The following DPP10 variants were observed in gnomAD, a reference collection of about 807,000 sequenced individuals.
The protein encoded by DPP10 is dipeptidyl peptidase like 10, also known as inactive dipeptidyl peptidase 10.
In DPP10, 33 loss-of-function variants were observed where a neutral mutation model predicts 120.9. The ratio of observed to expected loss-of-function variants is 0.27; its 90% confidence interval spans 0.21 to 0.37. The LOEUF is 0.37. DPP10 is among the 10% of genes least tolerant of loss of function. The pLI, the probability that DPP10 is intolerant of heterozygous loss-of-function variation, is 1.00. For missense variants in DPP10, 816 were observed against 942.8 expected (o/e 0.87, Z 1.76); for synonymous variants, 337 against 326.1 (o/e 1.03, Z -0.36).
At chr2:114,883,174 A>G (rs1003220458) in intron 1 of DPP10, among the ~76,000 whole-genome samples, 3 of 152,208 alleles carry the variant, frequency 2.0e-5, no homozygotes, top group Non-Finnish European at 4.4e-5. Flanking sequence ...CAGGTTAGCT[A>G]GGCCAGTAGC....
chr2:115,710,640 C>A (rs759727492), intron 7 of DPP10, among the ~76,000 whole-genome samples: 5 of 151,988 alleles, frequency 3.3e-5, no homozygotes, highest in Non-Finnish European at 7.4e-5. Flanking sequence ...AAAGTTGAAA[C>A]AAGTCACTAT....
chr2:115,480,707 A>G (rs2075375997), intron 3 of DPP10, among the ~76,000 whole-genome samples: 1 of 152,148 alleles, frequency 6.6e-6, no homozygotes, highest in Non-Finnish European at 1.5e-5. Context: ...TAAGTGTCAT[A>G]TTAGGAAGAA....
chr2:115,356,354 C>G (rs1166570077), intron 3 of DPP10, among the ~76,000 whole-genome samples: 1 of 151,868 alleles, frequency 6.6e-6, no homozygotes, highest in African/African-American at 2.4e-5. Context: ...TTGCCCTCTG[C>G]TTGTCTATTG....
chr2:115,212,601 A>G (rs2056587533), intron 1 of DPP10, among the ~76,000 whole-genome samples: 1 of 151,520 alleles, frequency 6.6e-6, no homozygotes, highest in Non-Finnish European at 1.5e-5. Flanking sequence ...GAGATTACAG[A>G]ACCAATTTTC....
intron 4 of DPP10, among the ~76,000 whole-genome samples, chr2:115,503,128 C>G (rs760562038): frequency 3.9e-5 from 6 of 152,032 alleles, no homozygotes; most frequent in Admixed American, 1.3e-4. Context: ...AGCCATAACA[C>G]AGGAAGGAAA....
chr2:114,576,873 G>GTTT (rs34544318), intron 1 of DPP10, among the ~76,000 whole-genome samples: 1 of 148,808 alleles, frequency 6.7e-6, no homozygotes, highest in Non-Finnish European at 1.5e-5. Flanking sequence ...TGGGAAGAGT[G>GTTT]TTTTTTTTTT....
At chr2:114,667,915 T>C (rs907082695) in intron 1 of DPP10, among the ~76,000 whole-genome samples, 11 of 152,190 alleles carry the variant, frequency 7.2e-5, no homozygotes, top group African/African-American at 2.7e-4. Flanking sequence ...AAATGAAGTT[T>C]TGAGTTTTAC....
At chr2:115,222,097 G>C (rs1179303870) in intron 1 of DPP10, among the ~76,000 whole-genome samples, 1 of 152,088 alleles carries the variant, frequency 6.6e-6, no homozygotes, top group East Asian at 1.9e-4. Flanking sequence ...AGCAGGTTTA[G>C]CAACACAGGC....
intron 1 of DPP10, among the ~76,000 whole-genome samples, chr2:114,955,694 C>A (rs1698147321): frequency 6.6e-6 from 1 of 152,134 alleles, no homozygotes; most frequent in South Asian, 2.1e-4. Flanking sequence ...CAAACGTCCT[C>A]AGCAAAATAT....
At chr2:115,268,347 A>C (rs2059547376) in intron 1 of DPP10, among the ~76,000 whole-genome samples, 1 of 152,220 alleles carries the variant, frequency 6.6e-6, no homozygotes. Flanking sequence ...GACAAAACCA[A>C]GATAAAAACT....
chr2:115,800,402 A>G (rs1198720239), intron 19 of DPP10, among the ~76,000 whole-genome samples: 4 of 152,166 alleles, frequency 2.6e-5, no homozygotes, highest in African/African-American at 4.8e-5. Context: ...TCACTCTGAC[A>G]GTAGTTTCTT....
At chr2:115,334,583 A>G (rs996752745) in intron 2 of DPP10, among the ~76,000 whole-genome samples, 4 of 151,948 alleles carry the variant, frequency 2.6e-5, no homozygotes, top group African/African-American at 7.2e-5. Context: ...ACATTTTACT[A>G]TATTTTTCCA....
chr2:114,891,099 A>T lies in DPP10; in HGVS notation c.61-418140A>T, dbSNP rs150468589. On this transcript the variant is annotated intron_variant, in intron 1 of 25. Transcript: ENST00000410059. ...TTTTTTTGGTAAAAGAGACTGAGAG[A>T]AAAACAAGTTTTAGACAAATTCCAA... Among the ~76,000 whole-genome samples, 436 of 152,264 alleles carry T rather than the reference A, an allele frequency of 2.9e-3. 2 individuals are homozygous for T. The highest frequency in any genetic ancestry group is 0.01 in the Middle Eastern group (3 of 294).
intron 1 of DPP10, among the ~76,000 whole-genome samples, chr2:114,644,247 A>G (rs1469481428): frequency 6.6e-6 from 1 of 150,668 alleles, no homozygotes; most frequent in Non-Finnish European, 1.5e-5. Flanking sequence ...TGGCTTGATT[A>G]ATATATTTTA....
rs1553446880 is a variant in DPP10, at chr2:114,473,861, T to TACA, written c.60+31023_60+31024insACA. ...TATACATATTTGTATATATTTATACTTACATACATACATACATACATACAC... is the reference window on the plus strand; with the variant it reads ...TATACATATTTGTATATATTTATACTACATACATACATACATACATACATACAC... On this transcript the variant is annotated intron_variant, in intron 1 of 25. Coordinates refer to ENST00000410059, the MANE Select transcript of DPP10 (RefSeq NM_020868.6). Among the ~76,000 whole-genome samples the TACA allele has an allele frequency of 2.2e-3, 339 of 152,268 alleles. 2 individuals are homozygous for TACA. Among genetic ancestry groups the TACA allele is most frequent in the African/African-American group, 7.7e-3 (318 of 41,540 alleles).
chr2:115,458,606 A>G (rs1241590924), intron 3 of DPP10, among the ~76,000 whole-genome samples: 1 of 152,126 alleles, frequency 6.6e-6, no homozygotes, highest in Non-Finnish European at 1.5e-5. Flanking sequence ...TTTTAGGTTC[A>G]ATAAAAGCCA....
At chr2:115,519,418 A>T (rs1356163559) in intron 4 of DPP10, among the ~76,000 whole-genome samples, 1 of 152,132 alleles carries the variant, frequency 6.6e-6, no homozygotes, top group Non-Finnish European at 1.5e-5. Flanking sequence ...GTAACAAGAA[A>T]ATATATATAT....
At chr2:115,191,162 C>T (rs1338133271) in intron 1 of DPP10, among the ~76,000 whole-genome samples, 1 of 152,088 alleles carries the variant, frequency 6.6e-6, no homozygotes, top group Non-Finnish European at 1.5e-5. Context: ...TATCTGACCA[C>T]GGGGAGGGCT....
At chr2:114,663,981 G>A (rs1015023532) in intron 1 of DPP10, among the ~76,000 whole-genome samples, 6 of 152,040 alleles carry the variant, frequency 3.9e-5, no homozygotes, top group African/African-American at 1.4e-4. Context: ...TCTGGGGAAG[G>A]AGCGTAAGTG....
Sources: allele counts gnomAD v4.1 joint callset (sites outside exome capture counted in the v4.1 genomes callset), GRCh38; gene constraint gnomAD v4.1.1; transcripts MANE v1.5; gene names NCBI Gene and HGNC (gene_info 2026-07-23, HGNC 2026-07-21).